PHTF2: variants seen among roughly 807,000 people sequenced by gnomAD.
The protein encoded by PHTF2 is protein PHTF2.
PHTF2 carries 60 observed loss-of-function variants against 101.2 expected under a neutral mutation model. That is an observed-to-expected ratio of 0.59 (90% CI 0.48 to 0.73). PHTF2 has a LOEUF of 0.73. PHTF2 is among the 30% of genes least tolerant of loss of function. The probability of loss-of-function intolerance (pLI) is 0.00; values close to 1 mark genes in which losing one functional copy is unlikely to be tolerated. For missense variants in PHTF2, 747 were observed against 908.7 expected, an observed-to-expected ratio of 0.82 and a Z score of 2.29; for synonymous variants, 311 against 307.3, an observed-to-expected ratio of 1.01 and a Z score of -0.13.
chr7:77,882,848 T>G (rs1011414544), intron 3 of PHTF2, among the ~76,000 whole-genome samples: 1 of 152,300 alleles, frequency 6.6e-6, no homozygotes, highest in Admixed American at 6.5e-5. Flanking sequence ...ATTGTGTAAT[T>G]AAATGATTCA....
At chr7:77,809,746 A>T (rs1237642763) in intron 1 of PHTF2, among the ~76,000 whole-genome samples, 10 of 152,238 alleles carry the variant, frequency 6.6e-5, no homozygotes. Context: ...AACCTTGGAC[A>T]TAGTAGATAT....
intron 5 of PHTF2, among the ~76,000 whole-genome samples, chr7:77,898,641 T>A (rs552589003): frequency 3.3e-5 from 5 of 152,194 alleles, no homozygotes; most frequent in Admixed American, 2.6e-4. Flanking sequence ...AATTAGTGCA[T>A]ACTGAACCAT....
chr7:77,908,989 A>G (rs1802116479), intron 8 of PHTF2, 31 bp downstream of exon 7: 1 of 1,437,006 alleles, frequency 7.0e-7, no homozygotes, highest in Non-Finnish European at 9.6e-7. Flanking sequence ...ATCTTTTTGT[A>G]CATTTATGTA....
Position 77,852,603 on chromosome 7 carries a change from C to T in PHTF2, c.46-2130C>T, listed in dbSNP as rs938635258. On this transcript the variant is annotated intron_variant, in intron 2 of 19. Transcript: ENST00000416283. ...ACGTTCATCTTTTAGTCTTTCTACT[C>T]AATATGTGAGTGGTTTATATATCAC... Among the ~76,000 whole-genome samples, 21 of 152,176 alleles carry T rather than the reference C, an allele frequency of 1.4e-4. 1 individual carries two copies. The highest frequency in any genetic ancestry group is 2.9e-5 in the Non-Finnish European group (2 of 68,038).
At chr7:77,911,398 G>T (rs1445037615) in intron 9 of PHTF2, among the ~76,000 whole-genome samples, 2 of 151,558 alleles carry the variant, frequency 1.3e-5, no homozygotes, top group Admixed American at 6.6e-5. Flanking sequence ...ACTCAAGCTT[G>T]TATTATTATT....
At chr7:77,830,804 C>T (rs948364025) in intron 1 of PHTF2, among the ~76,000 whole-genome samples, 2 of 152,140 alleles carry the variant, frequency 1.3e-5, no homozygotes, top group African/African-American at 4.8e-5. Flanking sequence ...AGTCAGAATC[C>T]AACACTTAAT....
At chr7:77,837,623 A>G (rs1259421117) in intron 1 of PHTF2, among the ~76,000 whole-genome samples, 1 of 152,192 alleles carries the variant, frequency 6.6e-6, no homozygotes, top group Non-Finnish European at 1.5e-5. Context: ...TTTTATTTCT[A>G]TAGACCCAAA....
chr7:77,912,710 CTTTTTTTTTTTTTTTTTTTTTTTTTTT>C (rs536966733), intron 9 of PHTF2, among the ~76,000 whole-genome samples: 1 of 80,438 alleles, frequency 1.2e-5, no homozygotes, highest in Non-Finnish European at 2.4e-5. Context: ...AGAGAACCAC[CTTTTTTTTTTTTTTTTTTTTTTTTTTT>C]TTTTTTTTTT....
intron 3 of PHTF2, among the ~76,000 whole-genome samples, chr7:77,862,549 C>T (rs1330896800): frequency 1.3e-5 from 2 of 152,146 alleles, no homozygotes; most frequent in African/African-American, 2.4e-5. Flanking sequence ...GTAGTTTACA[C>T]AGGTATGAGG....
chr7:77,822,455 G>A (rs1334039726), intron 1 of PHTF2, among the ~76,000 whole-genome samples: 1 of 152,176 alleles, frequency 6.6e-6, no homozygotes, highest in Non-Finnish European at 1.5e-5. Context: ...GGTTGGGTGG[G>A]GGAGGGGAGT....
intron 1 of PHTF2, among the ~76,000 whole-genome samples, chr7:77,823,050 G>T (rs1442120176): frequency 1.4e-5 from 2 of 145,218 alleles, no homozygotes; most frequent in African/African-American, 2.6e-5. Context: ...GACTACAGGC[G>T]CCCGCTACCA....
At chr7:77,932,621 A>AGAGAGAGAGTGT (rs759880633) in intron 12 of PHTF2, among the ~76,000 whole-genome samples, 17 of 118,558 alleles carry the variant, frequency 1.4e-4, no homozygotes, top group African/African-American at 5.6e-4. Flanking sequence ...AGAGAGAGAG[A>AGAGAGAGAGTGT]GTGTGTGTGT....
At chr7:77,856,585 G>A (rs568206890) in intron 3 of PHTF2, among the ~76,000 whole-genome samples, 1 of 152,154 alleles carries the variant, frequency 6.6e-6, no homozygotes, top group African/African-American at 2.4e-5. Flanking sequence ...TGAACTCCTA[G>A]GCTCGAAGTC....
At chr7:77,902,257 GC>G (rs1716910102) in intron 7 of PHTF2, among the ~76,000 whole-genome samples, 1 of 152,046 alleles carries the variant, frequency 6.6e-6, no homozygotes, top group Non-Finnish European at 1.5e-5. Context: ...TATTATTCCT[GC>G]CATAGGTATA....
At chr7:77,821,785 A>T (rs1055527776) in intron 1 of PHTF2, among the ~76,000 whole-genome samples, 7 of 152,052 alleles carry the variant, frequency 4.6e-5, no homozygotes, top group African/African-American at 1.7e-4. Context: ...GTGGCTCAGG[A>T]GTGAGCCCTC....
rs59279155 is a variant in PHTF2, at chr7:77,882,289, G to A, written c.148-11319G>A. On this transcript the variant is annotated intron_variant, in intron 3 of 19. Transcript: ENST00000416283. ...GGCTAGCTAGATATATAAATTGACC[G>A]AATTCTAGAAATCTGTTTTCTTCCT... Among the ~76,000 whole-genome samples the A allele has an allele frequency of 2.6e-4, 40 of 151,972 alleles. No individual in the cohort carries two copies. In the East Asian group the frequency reaches 6.8e-3, roughly 26 times the overall value.
intron 2 of PHTF2, among the ~76,000 whole-genome samples, chr7:77,848,493 C>T (rs890486473): frequency 6.6e-6 from 1 of 152,140 alleles, no homozygotes; most frequent in Admixed American, 6.6e-5. Flanking sequence ...ACCTGTTTGC[C>T]ATTTGTGTGT....
intron 1 of PHTF2, among the ~76,000 whole-genome samples, chr7:77,833,735 A>G (rs985721414): frequency 2.0e-5 from 3 of 152,200 alleles, no homozygotes; most frequent in African/African-American, 7.2e-5. Context: ...CTAAGGCAGG[A>G]CAGTCACCTG....
At chr7:77,899,295 G>A (rs186004960) in intron 5 of PHTF2, among the ~76,000 whole-genome samples, 245 of 151,552 alleles carry the variant, frequency 1.6e-3, no homozygotes, top group Middle Eastern at 0.01. Context: ...GCTGAAACAG[G>A]AAGGTTAAAG....
Sources: allele counts gnomAD v4.1 joint callset (sites outside exome capture counted in the v4.1 genomes callset), GRCh38; gene constraint gnomAD v4.1.1; transcripts MANE v1.5; gene names NCBI Gene and HGNC (gene_info 2026-07-23, HGNC 2026-07-21).